The following COPS7A variants were observed in gnomAD, a reference collection of about 807,000 sequenced individuals.
COPS7A encodes COP9 signalosome subunit 7A.
In COPS7A, 20 loss-of-function variants were observed where a neutral mutation model predicts 35.2. The observed-to-expected ratio is 0.57, with a 90% CI of 0.40 to 0.83. The LOEUF (loss-of-function observed/expected upper bound fraction) is 0.83. Ranked by LOEUF, COPS7A falls within the 40% of genes least tolerant of loss-of-function variation. COPS7A has a pLI of 0.00. For missense variants in COPS7A, 247 were observed against 347.5 expected (o/e 0.71, Z 2.30); for synonymous variants, 139 against 141.4 (o/e 0.98, Z 0.12).
Position 6,729,425 on chromosome 12 carries a change from C to A in COPS7A, c.506C>A (p.Ala169Asp), listed in dbSNP as rs144729591. The change falls in exon 5 of 8, where the codon GCC becomes GAC. Residue 169 changes from alanine to aspartate, a missense_variant. Ala to Asp is a moderately radical substitution (Grantham distance 126). Transcript: ENST00000543155. The surrounding 1 kb of genome is among the most constrained non-coding windows in gnomAD (Gnocchi z 4.2). ...GACATCCAGCGCCAGGACCTCAGTG[C>A]CATTGCCCGAACCCTGCAGGAATGG... ...GRDIQRQDLS[A>D]IARTLQEWCV... 317 of 1,613,910 alleles carry A rather than the reference C, an allele frequency of 2.0e-4. No homozygotes were observed. In the African/African-American group the frequency reaches 3.9e-3, roughly 20 times the overall value.
At chr12:6,724,257 T>G (rs951035346) in intron 1 of COPS7A, 78 bp downstream of exon 1, 3 of 352,534 alleles carry the variant, frequency 8.5e-6, no homozygotes, top group South Asian at 2.0e-5. Context: ...ACGTGTAAGC[T>G]TCAATGGGGG....
chr12:6,730,844 C>T (rs376925970), intron 7 of COPS7A, 24 bp downstream of exon 7: 2 of 1,612,984 alleles, frequency 1.2e-6, no homozygotes, highest in African/African-American at 2.7e-5. Flanking sequence ...GCAGGAACTG[C>T]TCACTTGCAG....
chr12:6,730,744 C>CA lies in COPS7A; in HGVS notation c.713dup (p.His238GlnfsTer4). 6.2e-7 allele frequency: 1 copy of CA among 1,614,186 alleles called. No individual in the cohort carries two copies. The highest frequency in any genetic ancestry group is 8.5e-7 in the Non-Finnish European group (1 of 1,180,034). Reference sequence around the variant, plus strand: ...AGCCACATCTCAGGACCCTGAGCAACACCTGACTGAGCTGAGGGAACCAGC... The same window carrying CA: ...AGCCACATCTCAGGACCCTGAGCAACAACCTGACTGAGCTGAGGGAACCAGC... On this transcript the variant is annotated frameshift_variant, in exon 7 of 8. Coordinates refer to ENST00000543155, the MANE Select transcript of COPS7A (RefSeq NM_001164094.2). LOFTEE classifies it high-confidence loss of function.
chr12:6,729,426 C>G lies in COPS7A; in HGVS notation c.507C>G (p.Ala169=), dbSNP rs755309154. ...ACATCCAGCGCCAGGACCTCAGTGC[C>G]ATTGCCCGAACCCTGCAGGAATGGT... is the stretch of plus-strand genomic sequence containing the variant. ...GRDIQRQDLS[A]IARTLQEWCV... The change falls in exon 5 of 8, where the codon GCC becomes GCG. Residue 169 remains alanine (A), a synonymous_variant. Transcript: ENST00000543155. This position sits in a 1 kb window ranked among gnomAD's most constrained non-coding sequence, Gnocchi z 4.2. The G allele has an allele frequency of 4.3e-6, 7 of 1,613,958 alleles. No individual in the cohort carries two copies. In the East Asian group the frequency reaches 1.6e-4, roughly 36 times the overall value.
At chr12:6,726,671 TAAA>T (rs1239146735) in intron 2 of COPS7A, among the ~76,000 whole-genome samples, 1 of 127,920 alleles carries the variant, frequency 7.8e-6, no homozygotes. Flanking sequence ...AAGTATAATT[TAAA>T]AAAAAAAAAA....
At position 6,725,804 on chromosome 12, in the gene COPS7A, C is replaced by T. The variant is rs12581000; in HGVS notation, c.162+986C>T. Reference sequence around the variant, plus strand: ...AGTTATTTGGGGCCTGTGGTTTAACCTTTTGGATCACTCTGTGATATGGAG... The same window carrying T: ...AGTTATTTGGGGCCTGTGGTTTAACTTTTTGGATCACTCTGTGATATGGAG... On this transcript the variant is annotated intron_variant, in intron 2 of 7. Coordinates refer to ENST00000543155, the MANE Select transcript of COPS7A (RefSeq NM_001164094.2). 1.9e-4 allele frequency: 88 copies of T among 456,122 alleles called. 1 individual carries two copies. In the East Asian group the frequency reaches 4.3e-3, roughly 22 times the overall value. The allele number at this position is 456,122 out of a possible 1,614,324, so 28.3% of individuals were successfully genotyped here.
intron 3 of COPS7A, 108 bp from the exon 4 acceptor site, chr12:6,728,115 C>A: frequency 6.9e-7 from 1 of 1,451,614 alleles, no homozygotes; most frequent in South Asian, 1.2e-5. Context: ...TGCATAGGGT[C>A]AGGGTCAAGA....
chr12:6,726,636 A>G (rs546511902), intron 2 of COPS7A, among the ~76,000 whole-genome samples: 1 of 151,176 alleles, frequency 6.6e-6, no homozygotes, highest in African/African-American at 2.4e-5. Flanking sequence ...TAAAACAAAC[A>G]AAAGCTCATG....
rs1466464034 is a variant in COPS7A at position 6,731,809 on chromosome 12, C to G, written c.*770C>G. On this transcript the variant is annotated 3_prime_UTR_variant, in exon 8 of 8. Transcript: ENST00000543155. ...TATTAAAAAAAAAAAGGTATATATG[C>G]ATATATCTATATATAATATGACGCA... 4 of 152,262 alleles carry G rather than the reference C, an allele frequency of 2.6e-5. No individual in the cohort carries two copies. The highest frequency in any genetic ancestry group is 9.7e-5 in the African/African-American group (4 of 41,300). 9.4% of individuals were successfully genotyped at this position (152,262 alleles called of 1,614,324 possible).
At position 6,730,836 on chromosome 12, in the gene COPS7A, A is replaced by G. The variant is rs1157893461; in HGVS notation, c.788+16A>G. The G allele has an allele frequency of 1.9e-6, 3 of 1,613,656 alleles. No homozygotes were observed. Among genetic ancestry groups the G allele is most frequent in the Non-Finnish European group, 2.5e-6 (3 of 1,179,822 alleles). On this transcript the variant is annotated intron_variant, in intron 7 of 7. Transcript: ENST00000543155. ...AGGGCAAGGGGTGAGCCAGGGTAGCAGGAACTGCTCACTTGCAGGGTGCCC... is the reference window on the plus strand; with the variant it reads ...AGGGCAAGGGGTGAGCCAGGGTAGCGGGAACTGCTCACTTGCAGGGTGCCC...
chr12:6,730,413 G>A lies in COPS7A; in HGVS notation c.542G>A (p.Cys181Tyr). ...ARTLQEWCVG[C>Y]EVVLSGIEEQ... ...CCTGACTCCTGCAGGTGTGTGGGCT[G>A]TGAGGTCGTGCTGTCAGGCATTGAG... The change falls in exon 6 of 8, where the codon TGT (cysteine) becomes TAT (tyrosine). Residue 181 changes from cysteine to tyrosine, a missense_variant. Transcript: ENST00000543155. 1 of 1,614,078 alleles carries A rather than the reference G, an allele frequency of 6.2e-7. No individual in the cohort carries two copies. The highest frequency in any genetic ancestry group is 8.5e-7 in the Non-Finnish European group (1 of 1,179,960).
At chr12:6,727,690 A>G (rs1434656712) in intron 2 of COPS7A, 2 of 651,664 alleles carry the variant, frequency 3.1e-6, no homozygotes, top group Non-Finnish European at 2.8e-6. Context: ...TGGATGACGT[A>G]TGGAGCAAGA....
intron 2 of COPS7A, among the ~76,000 whole-genome samples, chr12:6,727,195 G>C (rs1254067172): frequency 6.6e-6 from 1 of 152,078 alleles, no homozygotes; most frequent in East Asian, 1.9e-4. Flanking sequence ...AAATTAGCCT[G>C]GTGTGGTGGT....
intron 5 of COPS7A, 105 bp from the exon 6 acceptor site, chr12:6,730,297 G>A: frequency 9.9e-7 from 1 of 1,011,828 alleles, no homozygotes; most frequent in Admixed American, 1.8e-5. Context: ...GATTATGGGG[G>A]TGAGCTACTG....
chr12:6,729,386 A>G lies in COPS7A; in HGVS notation c.467A>G (p.Tyr156Cys). 6.8e-6 allele frequency: 11 copies of G among 1,614,158 alleles called. No homozygotes were observed. The highest frequency in any genetic ancestry group is 1.6e-4 in the Middle Eastern group (1 of 6,062). ...CGCAACCAGCGGCTCGAGGTTGACTACAGCATCGGGCGGGACATCCAGCGC... is the reference window on the plus strand; with the variant it reads ...CGCAACCAGCGGCTCGAGGTTGACTGCAGCATCGGGCGGGACATCCAGCGC... ...DQRNQRLEVDYSIGRDIQRQD... is the reference protein window; with the variant it reads ...DQRNQRLEVDCSIGRDIQRQD... The change falls in exon 5 of 8, where the codon TAC becomes TGC. Residue 156 changes from tyrosine (Y) to cysteine (C), a missense_variant. Physicochemically the swap from Tyr to Cys is radical, Grantham distance 194. Coordinates refer to ENST00000543155, the MANE Select transcript of COPS7A (RefSeq NM_001164094.2). The surrounding 1 kb of genome is among the most constrained non-coding windows in gnomAD (Gnocchi z 4.2).
chr12:6,727,569 T>G, intron 2 of COPS7A: 1 of 435,914 alleles, frequency 2.3e-6, no homozygotes, highest in African/African-American at 2.0e-5. Flanking sequence ...TATTCCAATT[T>G]AGAAACATCA....
At chr12:6,724,474 A>C in intron 1 of COPS7A, 140 bp from the exon 2 acceptor site, 1 of 738,994 alleles carries the variant, frequency 1.4e-6, no homozygotes, top group Non-Finnish European at 2.3e-6. Flanking sequence ...GGATTCCTAG[A>C]TCAGAATTTT....
At position 6,729,847 on chromosome 12, in the gene COPS7A, T is replaced by C. The variant is rs1044367613; in HGVS notation, c.530+398T>C. The stretch of plus-strand genomic sequence containing the variant: ...GGGTTTCTGTATTCATTAAGTCACC[T>C]CTTTTTCTCTTTGGCATCTCCTACC... On this transcript the variant is annotated intron_variant, in intron 5 of 7. Transcript: ENST00000543155. The surrounding 1 kb of genome is among the most constrained non-coding windows in gnomAD (Gnocchi z 4.2). 1.3e-5 allele frequency among the ~76,000 whole-genome samples: 2 copies of C among 152,234 alleles called. No homozygotes were observed. The highest frequency in any genetic ancestry group is 4.8e-5 in the African/African-American group (2 of 41,468).
Position 6,729,256 on chromosome 12 carries a change from T to C in COPS7A, c.337T>C (p.Tyr113His). ...ATCTCCGCGGCCCCAGTGTATCCCA[T>C]ATGCAGTGTTGCTGGAGGCTCTTGC... ...TLAAKVKCIP[Y>H]AVLLEALALR... Residue 113 changes from tyrosine (Y) to histidine (H), a missense_variant, in exon 5 of 8, where the codon TAT (tyrosine) becomes CAT (histidine). Transcript: ENST00000543155. The surrounding 1 kb of genome is among the most constrained non-coding windows in gnomAD (Gnocchi z 4.2). 1 of 1,614,066 alleles carries C rather than the reference T, an allele frequency of 6.2e-7. No homozygotes were observed. The highest frequency in any genetic ancestry group is 8.5e-7 in the Non-Finnish European group (1 of 1,180,014).
Sources: allele counts gnomAD v4.1 joint callset (sites outside exome capture counted in the v4.1 genomes callset), GRCh38; gene constraint gnomAD v4.1.1; non-coding constraint Gnocchi (gnomAD v3.1); transcripts MANE v1.5; gene names NCBI Gene and HGNC (gene_info 2026-07-23, HGNC 2026-07-21).